BCAS3: variants seen among roughly 807,000 people sequenced by gnomAD.
BCAS3 encodes the protein BCAS3 microtubule associated cell migration factor.
Under a neutral mutation model 116.1 loss-of-function variants are expected in BCAS3, and 53 were observed. That is an observed-to-expected ratio of 0.46 (90% CI 0.37 to 0.57). The LOEUF (loss-of-function observed/expected upper bound fraction) is 0.57. Ranked by LOEUF, BCAS3 falls within the 20% of genes least tolerant of loss-of-function variation. The pLI is 0.00. For missense variants in BCAS3, 917 were observed against 1,165.4 expected, an observed-to-expected ratio of 0.79 and a Z score of 3.10; for synonymous variants, 391 against 408.2, an observed-to-expected ratio of 0.96 and a Z score of 0.51.
intron 14 of BCAS3, among the ~76,000 whole-genome samples, chr17:60,989,015 A>G (rs915753325): frequency 2.0e-5 from 3 of 151,784 alleles, no homozygotes; most frequent in African/African-American, 7.3e-5. Flanking sequence ...TTAGGTGCTT[A>G]TAACTATAAA....
At chr17:60,874,780 ATAC>A in intron 9 of BCAS3, 42 bp downstream of exon 9, 1 of 1,285,454 alleles carries the variant, frequency 7.8e-7, no homozygotes, top group Non-Finnish European at 1.1e-6. Flanking sequence ...CTTTGGGTTT[ATAC>A]TACTTACTTG....
chr17:61,253,282 G>A (rs533609832), intron 22 of BCAS3, among the ~76,000 whole-genome samples: 1 of 151,618 alleles, frequency 6.6e-6, no homozygotes, highest in Non-Finnish European at 1.5e-5. Context: ...GCTGGGCCCG[G>A]TGGCTCACGC....
chr17:60,769,657 A>T (rs1474396026), intron 6 of BCAS3, among the ~76,000 whole-genome samples: 1 of 152,202 alleles, frequency 6.6e-6, no homozygotes, highest in African/African-American at 2.4e-5. Flanking sequence ...AGCAGCCTGC[A>T]GCAGTGGCAG....
At chr17:60,954,561 T>G (rs1033673986) in intron 14 of BCAS3, among the ~76,000 whole-genome samples, 4 of 152,164 alleles carry the variant, frequency 2.6e-5, no homozygotes, top group Non-Finnish European at 5.9e-5. Context: ...CATTTAACAT[T>G]TTACCCATAC....
chr17:61,265,692 C>CG lies in BCAS3; in HGVS notation c.2426-102635_2426-102634insG, dbSNP rs2049631880. Among the ~76,000 whole-genome samples, 1 of 80,648 alleles carries CG rather than the reference C, an allele frequency of 1.2e-5. No homozygotes were observed. The highest frequency in any genetic ancestry group is 3.1e-5 in the Non-Finnish European group (1 of 31,956). The allele number at this position is 80,648 out of a possible 152,430, so 52.9% of individuals were successfully genotyped here. A position where few individuals can be genotyped will look rare whatever the true frequency, so the allele number is the denominator to read the frequency against. On this transcript the variant is annotated intron_variant, in intron 22 of 23. Transcript: ENST00000407086. The surrounding 1 kb of genome is among the most constrained non-coding windows in gnomAD (Gnocchi z 4.3). The stretch of plus-strand genomic sequence containing the variant: ...GATTTAACTATGTAACACCATCATT[C>CG]TTTTTTCCCCCCCATCAAGTAGTAT...
rs572193796 is a variant in BCAS3, at chr17:60,808,142, T to G, written c.476+66T>G. On this transcript the variant is annotated intron_variant, in intron 7 of 23. Transcript: ENST00000407086. ...ATTTATATTATTCCAGAGGGAGAACTTTGATGTTATAAAACCTTTGTAACC... is the reference window on the plus strand; with the variant it reads ...ATTTATATTATTCCAGAGGGAGAACGTTGATGTTATAAAACCTTTGTAACC... The G allele has an allele frequency of 2.4e-5, 27 of 1,106,846 alleles. No individual in the cohort carries two copies. In the African/African-American group the frequency reaches 3.8e-4, roughly 15 times the overall value. 68.6% of individuals were successfully genotyped at this position (1,106,846 alleles called of 1,614,324 possible).
At chr17:61,230,158 CA>C (rs1384535443) in intron 22 of BCAS3, among the ~76,000 whole-genome samples, 10 of 149,332 alleles carry the variant, frequency 6.7e-5, no homozygotes, top group African/African-American at 1.0e-4. Flanking sequence ...CACACACACA[CA>C]CACACACACA....
At chr17:61,360,281 A>G (rs538075002) in intron 22 of BCAS3, among the ~76,000 whole-genome samples, 60 of 152,344 alleles carry the variant, frequency 3.9e-4, no homozygotes, top group Non-Finnish European at 5.6e-4. Flanking sequence ...TTGGAATTAC[A>G]GGTGTGAGCC....
In BCAS3 at chr17:60,962,679, C is replaced by T. The variant is rs899419098; in HGVS notation, c.1221+15327C>T. ...TGGATAGTTTGCAAATATTTTCTTC[C>T]ATTCTGTGGGTTGTTTCTTCACTTT... On this transcript the variant is annotated intron_variant, in intron 14 of 23. Coordinates refer to ENST00000407086, the MANE Select transcript of BCAS3 (RefSeq NM_017679.5). This position sits in a 1 kb window ranked among gnomAD's most constrained non-coding sequence, Gnocchi z 4.4. Among the ~76,000 whole-genome samples the T allele has an allele frequency of 1.3e-5, 2 of 151,922 alleles. No individual in the cohort carries two copies. The highest frequency in any genetic ancestry group is 2.4e-5 in the African/African-American group (1 of 41,372).
Position 61,097,224 on chromosome 17 carries a change from G to A in BCAS3, c.2425+12660G>A, listed in dbSNP as rs1190918863. Among the ~76,000 whole-genome samples the A allele has an allele frequency of 2.0e-5, 3 of 152,030 alleles. No homozygotes were observed. The East Asian group carries it at 5.8e-4, about 29-fold the overall frequency. On this transcript the variant is annotated intron_variant, in intron 22 of 23. Transcript: ENST00000407086. This position sits in a 1 kb window ranked among gnomAD's most constrained non-coding sequence, Gnocchi z 4.0. ...GACTGAGTCTCGCTCTGTCACCCAG[G>A]CTGGAGTGCAGTGGCGCAATCTCGG... is the stretch of plus-strand genomic sequence containing the variant.
rs183298770 is a variant in BCAS3 at position 61,156,328 on chromosome 17, C to T, written c.2425+71764C>T. 5.5e-4 allele frequency among the ~76,000 whole-genome samples: 83 copies of T among 152,288 alleles called. No individual in the cohort carries two copies. The highest frequency in any genetic ancestry group is 6.9e-4 in the Non-Finnish European group (47 of 68,016). On this transcript the variant is annotated intron_variant, in intron 22 of 23. Coordinates refer to ENST00000407086, the MANE Select transcript of BCAS3 (RefSeq NM_017679.5). This position sits in a 1 kb window ranked among gnomAD's most constrained non-coding sequence, Gnocchi z 4.7. ...CTAAAACTGGAATCTCAGGCACCTTCTCTTTCCCTCTTCATTTTCTGAGTT... is the reference window on the plus strand; with the variant it reads ...CTAAAACTGGAATCTCAGGCACCTTTTCTTTCCCTCTTCATTTTCTGAGTT...
At position 60,780,331 on chromosome 17, in the gene BCAS3, G is replaced by A. The variant is rs1381082437; in HGVS notation, c.404-27673G>A. Among the ~76,000 whole-genome samples the A allele has an allele frequency of 2.1e-5, 3 of 145,490 alleles. No individual in the cohort carries two copies. In the East Asian group the frequency reaches 6.0e-4, roughly 29 times the overall value. ...TAATTTTTTGAGACAGTGTCACCCT[G>A]TTGCCCAGACTGGGGTGCGGTGGAG... is the stretch of plus-strand genomic sequence containing the variant. On this transcript the variant is annotated intron_variant, in intron 6 of 23. Coordinates refer to ENST00000407086, the MANE Select transcript of BCAS3 (RefSeq NM_017679.5).
chr17:60,966,368 T>C (rs1211281984), intron 14 of BCAS3, among the ~76,000 whole-genome samples: 3 of 152,204 alleles, frequency 2.0e-5, no homozygotes, highest in Non-Finnish European at 4.4e-5. Flanking sequence ...TGCCATTCTT[T>C]TGCTAGTTTT....
At chr17:61,334,261 G>A (rs572534535) in intron 22 of BCAS3, among the ~76,000 whole-genome samples, 4 of 152,318 alleles carry the variant, frequency 2.6e-5, no homozygotes, top group African/African-American at 4.8e-5. Flanking sequence ...GAAAAAGCAC[G>A]TAGGAGACAA....
At chr17:61,230,672 G>T (rs1271666829) in intron 22 of BCAS3, among the ~76,000 whole-genome samples, 7 of 152,246 alleles carry the variant, frequency 4.6e-5, no homozygotes, top group Admixed American at 6.5e-5. Context: ...TAGCACATTT[G>T]CTCTATCCAA....
At chr17:60,865,117 C>T (rs757716131) in intron 7 of BCAS3, among the ~76,000 whole-genome samples, 14 of 151,956 alleles carry the variant, frequency 9.2e-5, no homozygotes, top group Non-Finnish European at 1.5e-4. Flanking sequence ...GATGGAGAGA[C>T]ACTAGTTGAG....
intron 22 of BCAS3, among the ~76,000 whole-genome samples, chr17:61,330,969 C>T (rs1011372650): frequency 6.6e-6 from 1 of 152,346 alleles, no homozygotes; most frequent in African/African-American, 2.4e-5. Flanking sequence ...TCCCAAAGGG[C>T]CTCTCTGGGC....
chr17:61,147,745 G>C (rs958150190), intron 22 of BCAS3, among the ~76,000 whole-genome samples: 6 of 152,110 alleles, frequency 3.9e-5, no homozygotes, highest in African/African-American at 1.4e-4. Context: ...CCAGCACTTC[G>C]GGAGGCCGAG....
rs781473256 is a variant in BCAS3 at position 60,679,526 on chromosome 17, C to T, written c.69C>T (p.Arg23=). 1 of 1,612,732 alleles carries T rather than the reference C, an allele frequency of 6.2e-7. No individual in the cohort carries two copies. The highest frequency in any genetic ancestry group is 1.1e-5 in the South Asian group (1 of 90,936). The change falls in exon 2 of 24, where the codon CGC becomes CGT. Residue 23 remains arginine, a synonymous_variant. Coordinates refer to ENST00000407086, the MANE Select transcript of BCAS3 (RefSeq NM_017679.5). ...GTTGTACTGGTGGAGTTGTGGTTCG[C>T]CCCCAGGCTGTCACGTAAGCACATT... The part of the protein sequence containing the change: ...PSRCTGGVVV[R]PQAVTEQSYM...
Sources: gnomAD v4.1 joint callset for allele counts (sites outside exome capture counted in the v4.1 genomes callset) on GRCh38, gnomAD v4.1.1 for gene constraint, Gnocchi (gnomAD v3.1) non-coding constraint, MANE v1.5 for transcripts, NCBI Gene and HGNC (gene_info 2026-07-23, HGNC 2026-07-21) for gene names.